Variants in JAG2 observed in about 807,000 individuals in gnomAD.
The protein encoded by JAG2 is jagged canonical Notch ligand 2.
Under a neutral mutation model 141.7 loss-of-function variants are expected in JAG2, and 46 were observed. That is an observed-to-expected ratio of 0.32 (90% CI 0.26 to 0.42). The LOEUF (loss-of-function observed/expected upper bound fraction) is 0.42, where lower values mean the gene tolerates loss of function less well. Ranked by LOEUF, JAG2 falls within the 10% of genes least tolerant of loss-of-function variation. JAG2 has a pLI of 1.00. For missense variants in JAG2, 1,500 were observed against 1,817.5 expected (o/e 0.83, Z 3.18); for synonymous variants, 862 against 763.5 (o/e 1.13, Z -2.13).
At chr14:105,155,486 C>T in intron 5 of JAG2, 76 bp downstream of exon 5, 3 of 1,549,052 alleles carry the variant, frequency 1.9e-6, no homozygotes, top group Non-Finnish European at 2.7e-6. Context: ...CGACTCCTGA[C>T]AGCAAGGCTG....
In JAG2 at chr14:105,143,581, C is replaced by T. The variant is rs587678193; in HGVS notation, c.3142G>A (p.Ala1048Thr). 17 of 1,605,696 alleles carry T rather than the reference C, an allele frequency of 1.1e-5. No individual in the cohort carries two copies. The highest frequency in any genetic ancestry group is 2.2e-5 in the East Asian group (1 of 44,650). ...CGCTGGGTGATGGCGGCCACGATGG[C>T]GTGGGCCGCGCCCTGGATCAGGCTG... ...DSSLIQGAAH[A>T]IVAAITQRGN... is the part of the protein sequence containing the mutation. The change falls in exon 25 of 26, where the codon GCC becomes ACC. Residue 1048 changes from alanine to threonine, a missense_variant. Physicochemically the swap from Ala to Thr is moderately conservative, Grantham distance 58. Around this residue, in one of 3 missense-constraint regions of JAG2, gnomAD observed 425 missense variants for 441.0 expected, o/e 0.96. Transcript: ENST00000331782.
At chr14:105,164,860 A>G (rs1347536799) in intron 2 of JAG2, among the ~76,000 whole-genome samples, 1 of 152,116 alleles carries the variant, frequency 6.6e-6, no homozygotes, top group East Asian at 1.9e-4. Context: ...CACAGGTGAG[A>G]AAAGCTCAGC....
At chr14:105,147,565 A>C in intron 18 of JAG2, 38 bp from the exon 19 acceptor site, 1 of 1,598,720 alleles carries the variant, frequency 6.3e-7, no homozygotes, top group Non-Finnish European at 8.6e-7. Context: ...ATCAGTACCC[A>C]CCCCCCAAGC....
At chr14:105,162,872 C>T (rs191881139) in intron 2 of JAG2, among the ~76,000 whole-genome samples, 205 of 151,904 alleles carry the variant, frequency 1.3e-3, no homozygotes, top group African/African-American at 4.9e-3. Flanking sequence ...GCCCAGGGTA[C>T]TCCAAATGCC....
Position 105,168,438 on chromosome 14 carries a change from CG to C in JAG2, c.-19del. ...GCCCGCATTGCCCCCGCGACCCGCCCGCCCGGCCCCGCCGCCGCCGCCCGCG... is the reference window on the plus strand; with the variant it reads ...GCCCGCATTGCCCCCGCGACCCGCCCCCCGGCCCCGCCGCCGCCGCCCGCG... On this transcript the variant is annotated 5_prime_UTR_variant, in exon 1 of 26. Coordinates refer to ENST00000331782, the MANE Select transcript of JAG2 (RefSeq NM_002226.5). The C allele has an allele frequency of 1.3e-6, 1 of 772,954 alleles. No individual in the cohort carries two copies. Among genetic ancestry groups the C allele is most frequent in the Non-Finnish European group, 1.6e-6 (1 of 638,488 alleles). 47.9% of individuals were successfully genotyped at this position (772,954 alleles called of 1,614,324 possible).
Position 105,143,340 on chromosome 14 carries a change from G to A in JAG2, c.3241+142C>T, listed in dbSNP as rs1409829921. On this transcript the variant is annotated intron_variant, in intron 25 of 25. Coordinates refer to ENST00000331782, the MANE Select transcript of JAG2 (RefSeq NM_002226.5). Reference sequence around the variant, plus strand: ...ACGGGGGCTGGGAAGGTCAGGTTGTGGGGCTGGGCGGCTGGGGCAGCAGGT... The same window carrying A: ...ACGGGGGCTGGGAAGGTCAGGTTGTAGGGCTGGGCGGCTGGGGCAGCAGGT... The A allele has an allele frequency of 6.2e-6, 8 of 1,289,034 alleles. No individual in the cohort carries two copies. The African/African-American group carries it at 1.2e-4, about 19-fold the overall frequency. 79.8% of individuals were successfully genotyped at this position (1,289,034 alleles called of 1,614,324 possible). A position where few individuals can be genotyped will look rare whatever the true frequency, so the allele number is the denominator to read the frequency against.
At position 105,146,471 on chromosome 14, in the gene JAG2, G is replaced by A. The variant is rs764784118; in HGVS notation, c.2623C>T (p.Arg875Trp). Residue 875 changes from arginine (R) to tryptophan (W), a missense_variant, in exon 22 of 26, where the codon CGG (arginine) becomes TGG (tryptophan). Transcript: ENST00000331782. ...CTTCCGTGTGGGAACGGAGTGCCCCGGGACCAGCAGGATCTCCCGAACCCG... is the reference window on the plus strand; with the variant it reads ...CTTCCGTGTGGGAACGGAGTGCCCCAGGACCAGCAGGATCTCCCGAACCCG... ...VIGFGRSCWS[R>W]GTPFPHGSSW... 1.1e-4 allele frequency: 180 copies of A among 1,612,644 alleles called. 5 individuals carry two copies. The South Asian group carries it at 1.7e-3, about 15-fold the overall frequency.
Position 105,168,382 on chromosome 14 carries a change from C to T in JAG2, c.39G>A (p.Leu13=). 9.7e-7 allele frequency: 1 copy of T among 1,034,850 alleles called. No homozygotes were observed. 64.1% of individuals were successfully genotyped at this position (1,034,850 alleles called of 1,614,324 possible). A position where few individuals can be genotyped will look rare whatever the true frequency, so the allele number is the denominator to read the frequency against. ...GCACCCAGAGCGCCAGCAGCAGCAG[C>T]AGCCGCCGGGGAAGGCGCCCCCGGC... ...AQGRGRLPRR[L]LLLLALWVQA... Residue 13 remains leucine, a synonymous_variant, in exon 1 of 26, where the codon CTG becomes CTA. Transcript: ENST00000331782.
At chr14:105,158,799 G>A (rs1209174372) in intron 2 of JAG2, among the ~76,000 whole-genome samples, 1 of 152,066 alleles carries the variant, frequency 6.6e-6, no homozygotes, top group Non-Finnish European at 1.5e-5. Flanking sequence ...GGGCCTGCTG[G>A]CTTCCCACCC....
At chr14:105,146,852 GCCC>G (rs1888240507) in intron 20 of JAG2, 128 bp from the exon 21 acceptor site, 1 of 787,194 alleles carries the variant, frequency 1.3e-6, no homozygotes, top group South Asian at 1.5e-5. Flanking sequence ...AGCAGCCCCT[GCCC>G]CCGAGCCCAA....
In JAG2 at chr14:105,147,627, G is replaced by T. The variant is rs587727321; in HGVS notation, c.2366-100C>A. 3.1e-5 allele frequency: 41 copies of T among 1,317,588 alleles called. No homozygotes were observed. In the African/African-American group the frequency reaches 5.8e-4, roughly 19 times the overall value. 81.6% of individuals were successfully genotyped at this position (1,317,588 alleles called of 1,614,324 possible). A position where few individuals can be genotyped will look rare whatever the true frequency, so the allele number is the denominator to read the frequency against. On this transcript the variant is annotated intron_variant, in intron 18 of 25. Transcript: ENST00000331782. ...GGCGTGATCAGGCTGTGGGGCTGGG[G>T]AGGGTCATCAAGGAGGGTGCCTTTT...
chr14:105,150,716 A>G lies in JAG2; in HGVS notation c.1490T>C (p.Leu497Pro). The G allele has an allele frequency of 6.4e-7, 1 of 1,570,104 alleles. No individual in the cohort carries two copies. Among genetic ancestry groups the G allele is most frequent in the South Asian group, 1.2e-5 (1 of 85,968 alleles). ...PRGFGGRHCELERDECASSPC... is the reference protein window; with the variant it reads ...PRGFGGRHCEPERDECASSPC... Reference sequence around the variant, plus strand: ...GCTGCTGGCACACTCGTCTCGTTCCAGCTCGCAATGCCGGCCTCCGAAGCC... The same window carrying G: ...GCTGCTGGCACACTCGTCTCGTTCCGGCTCGCAATGCCGGCCTCCGAAGCC... The change falls in exon 12 of 26, where the codon CTG becomes CCG. Residue 497 changes from leucine (L) to proline (P), a missense_variant. Transcript: ENST00000331782.
chr14:105,143,902 G>A (rs1488024430), intron 24 of JAG2, among the ~76,000 whole-genome samples: 7 of 149,786 alleles, frequency 4.7e-5, no homozygotes, highest in South Asian at 2.1e-4. Context: ...CAGGCAGCGA[G>A]CAGTGGGGGG....
chr14:105,151,339 A>C lies in JAG2; in HGVS notation c.1211T>G (p.Val404Gly), dbSNP rs1415695959. 6.2e-7 allele frequency: 1 copy of C among 1,612,662 alleles called. No homozygotes were observed. The highest frequency in any genetic ancestry group is 8.5e-7 in the Non-Finnish European group (1 of 1,179,992). The change falls in exon 9 of 26, where the codon GTG becomes GGG. Residue 404 changes from valine (V) to glycine (G), a missense_variant. Transcript: ENST00000331782. ...CAAGGTCVDQ[V>G]DGFECICPEQ... is the part of the protein sequence containing the mutation. ...GGGGCAGATGCACTCAAAGCCGTCC[A>C]CCTGGTCCACACAGGTGCCACCGGC...
chr14:105,167,100 C>T lies in JAG2; in HGVS notation c.417+657G>A, dbSNP rs913711498. Among the ~76,000 whole-genome samples, 4 of 152,156 alleles carry T rather than the reference C, an allele frequency of 2.6e-5. No homozygotes were observed. Among genetic ancestry groups the T allele is most frequent in the Non-Finnish European group, 4.4e-5 (3 of 68,018 alleles). On this transcript the variant is annotated intron_variant, in intron 2 of 25. Transcript: ENST00000331782. The surrounding 1 kb of genome is among the most constrained non-coding windows in gnomAD (Gnocchi z 4.8). ...TGACTGGCCACCTGCCAGGGGAGAC[C>T]AGACAGCCCCGACTCAGCTTCTGCC...
chr14:105,158,938 C>A (rs1453764520), intron 2 of JAG2, among the ~76,000 whole-genome samples: 2 of 152,080 alleles, frequency 1.3e-5, no homozygotes, highest in African/African-American at 4.8e-5. Context: ...AAGGCCCAAC[C>A]CCACGCCTGC....
intron 3 of JAG2, 118 bp from the exon 4 acceptor site, chr14:105,156,107 C>T (rs1888575976): frequency 4.5e-6 from 6 of 1,326,980 alleles, no homozygotes; most frequent in Non-Finnish European, 6.1e-6. Context: ...GCACAGCAGG[C>T]AGCAGCACAC....
chr14:105,157,558 C>T (rs1397686648), intron 3 of JAG2, 148 bp downstream of exon 3: 14 of 803,266 alleles, frequency 1.7e-5, no homozygotes, highest in Non-Finnish European at 2.9e-5. Flanking sequence ...CGTGGCAGAG[C>T]TTCCTGGCAG....
chr14:105,155,325 C>T (rs929953643), intron 5 of JAG2, among the ~76,000 whole-genome samples: 1 of 152,142 alleles, frequency 6.6e-6, no homozygotes, highest in Non-Finnish European at 1.5e-5. Flanking sequence ...GACTGTCCAG[C>T]CAGCCTCCCC....
Sources: gnomAD v4.1 joint callset for allele counts (sites outside exome capture counted in the v4.1 genomes callset) on GRCh38, gnomAD v4.1.1 for gene constraint, gnomAD v4.1.1 regional missense constraint, Gnocchi (gnomAD v3.1) non-coding constraint, MANE v1.5 for transcripts, NCBI Gene and HGNC (gene_info 2026-07-23, HGNC 2026-07-21) for gene names.